RTN1: variants seen among roughly 807,000 people sequenced by gnomAD.
RTN1 encodes the protein reticulon 1.
In RTN1, 25 loss-of-function variants were observed where a neutral mutation model predicts 65.5. The observed-to-expected ratio is 0.38, with a 90% CI of 0.28 to 0.53. The LOEUF (loss-of-function observed/expected upper bound fraction) is 0.53. RTN1 is among the 20% of genes least tolerant of loss of function. The probability of loss-of-function intolerance (pLI) is 0.79; values close to 1 mark genes in which losing one functional copy is unlikely to be tolerated. For missense variants in RTN1, 983 were observed against 1,025.4 expected, an observed-to-expected ratio of 0.96 and a Z score of 0.57; for synonymous variants, 471 against 447.6, an observed-to-expected ratio of 1.05 and a Z score of -0.66.
intron 1 of RTN1, among the ~76,000 whole-genome samples, chr14:59,782,976 C>T (rs192644530): frequency 1.1e-3 from 164 of 152,260 alleles, no homozygotes; most frequent in Admixed American, 3.8e-3. Flanking sequence ...TGACTCCCCA[C>T]GCTGTGCTAA....
At position 59,831,973 on chromosome 14, in the gene RTN1, G is replaced by A. The variant is rs745466993; in HGVS notation, c.241+38417C>T. Among the ~76,000 whole-genome samples, 44 of 152,150 alleles carry A rather than the reference G, an allele frequency of 2.9e-4. 1 individual carries two copies. Among genetic ancestry groups the A allele is most frequent in the Admixed American group, 6.5e-4 (10 of 15,282 alleles). On this transcript the variant is annotated intron_variant, in intron 1 of 8. Coordinates refer to ENST00000267484, the MANE Select transcript of RTN1 (RefSeq NM_021136.3). The stretch of plus-strand genomic sequence containing the variant: ...ACTTAGACTGGAGACAATGGGCTTC[G>A]GAGAGTCACAATACATGCCAAGCTC...
chr14:59,733,090 T>TC, intron 2 of RTN1, among the ~76,000 whole-genome samples: 1 of 141,172 alleles, frequency 7.1e-6, no homozygotes, highest in East Asian at 1.9e-4. Context: ...TTTTTTTTTT[T>TC]TTCTTTCTTT....
Position 59,596,718 on chromosome 14 carries a change from G to C in RTN1, c.*27C>G, listed in dbSNP as rs1346499433. 1 of 1,570,886 alleles carries C rather than the reference G, an allele frequency of 6.4e-7. No individual in the cohort carries two copies. Among genetic ancestry groups the C allele is most frequent in the East Asian group, 2.2e-5 (1 of 44,618 alleles). ...GTTACCACTCCAGACATTCCTGTTT[G>C]TGTCCAGTCCCCGGTGGGAAATCAG... On this transcript the variant is annotated 3_prime_UTR_variant, in exon 9 of 9. Coordinates refer to ENST00000267484, the MANE Select transcript of RTN1 (RefSeq NM_021136.3).
intron 1 of RTN1, among the ~76,000 whole-genome samples, chr14:59,808,782 A>C (rs1886679634): frequency 6.6e-6 from 1 of 152,038 alleles, no homozygotes; most frequent in African/African-American, 2.4e-5. Flanking sequence ...TTCTCATGCA[A>C]CCTGGTCATT....
At chr14:59,687,590 G>A (rs752669142) in intron 3 of RTN1, among the ~76,000 whole-genome samples, 2 of 151,970 alleles carry the variant, frequency 1.3e-5, no homozygotes, top group Non-Finnish European at 2.9e-5. Flanking sequence ...TGGAGCTTCT[G>A]CTCACCTAGT....
At chr14:59,855,298 C>A (rs1412662355) in intron 1 of RTN1, among the ~76,000 whole-genome samples, 4 of 152,198 alleles carry the variant, frequency 2.6e-5, no homozygotes, top group Non-Finnish European at 4.4e-5. Flanking sequence ...AATTCACTAA[C>A]ATTTTCTTCT....
At chr14:59,819,265 G>A (rs1037518315) in intron 1 of RTN1, among the ~76,000 whole-genome samples, 2 of 151,870 alleles carry the variant, frequency 1.3e-5, no homozygotes, top group Non-Finnish European at 2.9e-5. Context: ...CATTATGGAA[G>A]GGGTTCCTAG....
intron 3 of RTN1, among the ~76,000 whole-genome samples, chr14:59,641,097 T>C (rs1882769628): frequency 1.3e-5 from 2 of 152,108 alleles, no homozygotes; most frequent in Admixed American, 6.6e-5. Context: ...AGCTAGGGAC[T>C]ACAGGCATGT....
At chr14:59,802,197 A>G (rs1376863195) in intron 1 of RTN1, among the ~76,000 whole-genome samples, 2 of 152,238 alleles carry the variant, frequency 1.3e-5, no homozygotes, top group Admixed American at 1.3e-4. Context: ...AATGTAATTG[A>G]AACCTAGATA....
At chr14:59,604,268 T>C (rs1321935341) in intron 5 of RTN1, 2 of 166,420 alleles carry the variant, frequency 1.2e-5, no homozygotes, top group Non-Finnish European at 2.6e-5. Context: ...TATTTTCTAA[T>C]ATATGAAATG....
intron 1 of RTN1, among the ~76,000 whole-genome samples, chr14:59,798,927 T>C (rs1381614462): frequency 2.6e-5 from 4 of 152,198 alleles, no homozygotes; most frequent in Non-Finnish European, 5.9e-5. Context: ...TAAAATGATA[T>C]AGGATTCTTA....
At chr14:59,644,612 A>G (rs1882850926) in intron 3 of RTN1, among the ~76,000 whole-genome samples, 1 of 152,218 alleles carries the variant, frequency 6.6e-6, no homozygotes, top group Non-Finnish European at 1.5e-5. Flanking sequence ...GGCTGAATCC[A>G]GGGGACTGAG....
intron 3 of RTN1, among the ~76,000 whole-genome samples, chr14:59,628,666 T>C (rs914020878): frequency 6.6e-6 from 1 of 152,204 alleles, no homozygotes; most frequent in East Asian, 1.9e-4. Context: ...TCTTCACAAG[T>C]AGCTCTGCAT....
intron 3 of RTN1, among the ~76,000 whole-genome samples, chr14:59,620,620 A>G (rs879896604): frequency 1.3e-5 from 2 of 152,240 alleles, no homozygotes; most frequent in Non-Finnish European, 2.9e-5. Context: ...TAGAAAATTT[A>G]TATTTGTGGC....
At chr14:59,672,727 G>A (rs1315245547) in intron 3 of RTN1, among the ~76,000 whole-genome samples, 1 of 133,146 alleles carries the variant, frequency 7.5e-6, no homozygotes, top group Admixed American at 9.0e-5. Context: ...TGCAAGCTCC[G>A]CTTCCCGGGT....
intron 1 of RTN1, among the ~76,000 whole-genome samples, chr14:59,784,957 G>T (rs1216531145): frequency 1.3e-5 from 2 of 152,100 alleles, no homozygotes; most frequent in Non-Finnish European, 2.9e-5. Flanking sequence ...TAACATAAAG[G>T]CTTCCTGAGC....
chr14:59,619,396 C>T (rs142408777), intron 3 of RTN1, among the ~76,000 whole-genome samples: 4 of 152,286 alleles, frequency 2.6e-5, no homozygotes, highest in Non-Finnish European at 4.4e-5. Flanking sequence ...CAATTGCACA[C>T]ATTACTAAGT....
rs79139529 is a variant in RTN1 at position 59,804,128 on chromosome 14, T to C, written c.242-57647A>G. Among the ~76,000 whole-genome samples, 575 of 152,302 alleles carry C rather than the reference T, an allele frequency of 3.8e-3. 18 individuals carry two copies. The East Asian group carries it at 0.056, about 15-fold the overall frequency. On this transcript the variant is annotated intron_variant, in intron 1 of 8. Coordinates refer to ENST00000267484, the MANE Select transcript of RTN1 (RefSeq NM_021136.3). ...CCAGGATCCCATCCAGGACACCCCA[T>C]TACATTTAATTGTCATGTCTCCTTA...
At position 59,836,250 on chromosome 14, in the gene RTN1, C is replaced by G. The variant is rs1020987258; in HGVS notation, c.241+34140G>C. Among the ~76,000 whole-genome samples, 3 of 152,222 alleles carry G rather than the reference C, an allele frequency of 2.0e-5. No individual in the cohort carries two copies. The highest frequency in any genetic ancestry group is 2.9e-5 in the Non-Finnish European group (2 of 68,042). ...GATTAGACGTGGACACCTTTGGGAG[C>G]CATTATTCTGCCTACCACTGCAGTT... On this transcript the variant is annotated intron_variant, in intron 1 of 8. Coordinates refer to ENST00000267484, the MANE Select transcript of RTN1 (RefSeq NM_021136.3). This position sits in a 1 kb window ranked among gnomAD's most constrained non-coding sequence, Gnocchi z 4.9.
Sources: gnomAD v4.1 joint callset for allele counts (sites outside exome capture counted in the v4.1 genomes callset) on GRCh38, gnomAD v4.1.1 for gene constraint, Gnocchi (gnomAD v3.1) non-coding constraint, MANE v1.5 for transcripts, NCBI Gene and HGNC (gene_info 2026-07-23, HGNC 2026-07-21) for gene names.